Variants in C6 observed in about 807,000 individuals in gnomAD.
The protein encoded by C6 is complement component C6.
C6 carries 101 observed loss-of-function variants against 112.9 expected under a neutral mutation model. That is an observed-to-expected ratio of 0.89 (90% CI 0.76 to 1.06). The LOEUF (loss-of-function observed/expected upper bound fraction) is 1.06, where lower values mean the gene tolerates loss of function less well. Among genes scored for constraint, C6 ranks in the 50% least tolerant of loss-of-function variants. C6 has a pLI of 0.00. For missense variants in C6, 1,202 were observed against 1,104.6 expected, an observed-to-expected ratio of 1.09 and a Z score of -1.25; for synonymous variants, 431 against 384.1, an observed-to-expected ratio of 1.12 and a Z score of -1.43.
At chr5:41,156,113 C>A (rs1746880656) in intron 13 of C6, among the ~76,000 whole-genome samples, 2 of 151,926 alleles carry the variant, frequency 1.3e-5, no homozygotes, top group East Asian at 1.9e-4. Flanking sequence ...TACTTTACCA[C>A]CCTCACCTCC....
At chr5:41,211,250 G>C (rs1045488931) in intron 1 of C6, among the ~76,000 whole-genome samples, 13 of 152,078 alleles carry the variant, frequency 8.5e-5, no homozygotes, top group African/African-American at 2.9e-4. Flanking sequence ...GGTGGGGGTA[G>C]GGGAGAGGCA....
At chr5:41,146,292 T>C (rs1269198198) in intron 17 of C6, among the ~76,000 whole-genome samples, 2 of 152,224 alleles carry the variant, frequency 1.3e-5, no homozygotes, top group Non-Finnish European at 2.9e-5. Flanking sequence ...GACCTTCATA[T>C]TACTTTGAAG....
chr5:41,217,351 C>T (rs1238625781), upstream of C6, among the ~76,000 whole-genome samples: 1 of 152,074 alleles, frequency 6.6e-6, no homozygotes, highest in Non-Finnish European at 1.5e-5. Flanking sequence ...TTCCTTTATA[C>T]TGAGCCTGAA....
intron 1 of C6, among the ~76,000 whole-genome samples, chr5:41,248,299 C>A (rs1214970008): frequency 6.6e-6 from 1 of 152,126 alleles, no homozygotes; most frequent in African/African-American, 2.4e-5. Context: ...AAAGCAATTG[C>A]AACAGAAACA....
intron 4 of C6, 104 bp downstream of exon 4, chr5:41,199,664 G>T (rs1750859733): frequency 8.9e-7 from 1 of 1,121,476 alleles, no homozygotes; most frequent in African/African-American, 1.5e-5. Flanking sequence ...TTAAAATGTG[G>T]TGGGATTTCT....
At chr5:41,156,651 A>G (rs1021379296) in intron 13 of C6, among the ~76,000 whole-genome samples, 2 of 152,194 alleles carry the variant, frequency 1.3e-5, no homozygotes, top group African/African-American at 4.8e-5. Context: ...TTACTTGGCC[A>G]TATGGTTAAA....
chr5:41,203,744 T>C (rs1475893922), intron 1 of C6: 3 of 170,516 alleles, frequency 1.8e-5, no homozygotes, highest in South Asian at 1.4e-4. Flanking sequence ...ACTGACTCCA[T>C]ATAAAGTCAG....
Position 41,163,032 on chromosome 5 carries a change from G to T in C6, c.1292-1173C>A, listed in dbSNP as rs557307340. ...CACTGGTAAGGGTTATCTGTGAGGGGCATGGGATCCTGAAGAAAGAGTAAG... is the reference window on the plus strand; with the variant it reads ...CACTGGTAAGGGTTATCTGTGAGGGTCATGGGATCCTGAAGAAAGAGTAAG... On this transcript the variant is annotated intron_variant, in intron 9 of 17. Coordinates refer to ENST00000337836, the MANE Select transcript of C6 (RefSeq NM_000065.5). Among the ~76,000 whole-genome samples the T allele has an allele frequency of 4.6e-5, 7 of 152,204 alleles. No homozygotes were observed. The South Asian group carries it at 1.5e-3, about 32-fold the overall frequency.
intron 9 of C6, among the ~76,000 whole-genome samples, chr5:41,169,736 C>T (rs1271821778): frequency 6.6e-6 from 1 of 152,016 alleles, no homozygotes; most frequent in Admixed American, 6.6e-5. Context: ...ACAACCAGAT[C>T]TCATAAGAAC....
At chr5:41,187,682 G>T (rs946288634) in intron 5 of C6, among the ~76,000 whole-genome samples, 2 of 120,240 alleles carry the variant, frequency 1.7e-5, no homozygotes, top group African/African-American at 6.7e-5. Flanking sequence ...TAATGTAAAA[G>T]TACACAGACA....
intron 5 of C6, among the ~76,000 whole-genome samples, chr5:41,191,303 G>T (rs1481891930): frequency 6.6e-6 from 1 of 152,032 alleles, no homozygotes; most frequent in Non-Finnish European, 1.5e-5. Context: ...CTGAACTCAT[G>T]ATCCACCCGC....
At chr5:41,172,381 A>G (rs759875854) in intron 8 of C6, 34 bp from the exon 9 acceptor site, 8 of 1,610,300 alleles carry the variant, frequency 5.0e-6, no homozygotes, top group South Asian at 3.3e-5. Context: ...AACCACTGAG[A>G]ATGCACCATT....
intron 2 of C6, 100 bp from the exon 3 acceptor site, chr5:41,201,814 A>C (rs1426059090): frequency 2.0e-5 from 23 of 1,144,556 alleles, no homozygotes; most frequent in Non-Finnish European, 3.0e-5. Context: ...ATAAATAGAA[A>C]AGAAAGAAAA....
chr5:41,211,819 G>T lies in C6; in HGVS notation c.-21+1557C>A, dbSNP rs556557033. 1.6e-4 allele frequency among the ~76,000 whole-genome samples: 24 copies of T among 152,072 alleles called. 1 individual carries two copies. The highest frequency in any genetic ancestry group is 5.6e-4 in the African/African-American group (23 of 41,412). ...AGAAAACAAATTCTTAAAGCTTCTG[G>T]TGAAATTTTCATGTAAATAATTTGG... On this transcript the variant is annotated intron_variant, in intron 1 of 17. Coordinates refer to ENST00000337836, the MANE Select transcript of C6 (RefSeq NM_000065.5).
At chr5:41,247,519 C>A (rs528458774) in intron 1 of C6, among the ~76,000 whole-genome samples, 19 of 151,938 alleles carry the variant, frequency 1.3e-4, no homozygotes, top group Non-Finnish European at 2.1e-4. Context: ...AGATCAAGGC[C>A]ATCCTGGCTG....
chr5:41,231,687 A>G (rs1739909032), intron 1 of C6, among the ~76,000 whole-genome samples: 1 of 152,032 alleles, frequency 6.6e-6, no homozygotes, highest in Non-Finnish European at 1.5e-5. Context: ...TAAAGTACTA[A>G]TTAGACTTAT....
intron 1 of C6, among the ~76,000 whole-genome samples, chr5:41,257,528 C>T (rs990795879): frequency 1.3e-5 from 2 of 152,046 alleles, no homozygotes; most frequent in African/African-American, 4.8e-5. Flanking sequence ...TTTGGGGATA[C>T]ATACCCAGCA....
chr5:41,159,341 T>G lies in C6; in HGVS notation c.1685-88A>C, dbSNP rs1747251391. 5.0e-5 allele frequency: 77 copies of G among 1,531,888 alleles called. 1 individual carries two copies. The South Asian group carries it at 9.3e-4, about 18-fold the overall frequency. 94.9% of individuals were successfully genotyped at this position (1,531,888 alleles called of 1,614,324 possible). ...AGGCCAACCTGGTTTCCTCACTTTT[T>G]AGCTCAGTAACTTCCTTTGTGGGAT... On this transcript the variant is annotated intron_variant, in intron 11 of 17. Transcript: ENST00000337836.
At chr5:41,166,997 T>C (rs1748031130) in intron 9 of C6, among the ~76,000 whole-genome samples, 1 of 152,148 alleles carries the variant, frequency 6.6e-6, no homozygotes, top group Non-Finnish European at 1.5e-5. Context: ...ACTGTTTCTT[T>C]ACTCCTGGGC....
Sources: gnomAD v4.1 joint callset for allele counts (sites outside exome capture counted in the v4.1 genomes callset) on GRCh38, gnomAD v4.1.1 for gene constraint, MANE v1.5 for transcripts, NCBI Gene and HGNC (gene_info 2026-07-23, HGNC 2026-07-21) for gene names.